FHIT: variants seen among roughly 807,000 people sequenced by gnomAD.
FHIT encodes the protein bis(5'-adenosyl)-triphosphatase.
FHIT carries 19 observed loss-of-function variants against 17.9 expected under a neutral mutation model. That is an observed-to-expected ratio of 1.06 (90% CI 0.74 to 1.56). FHIT has a LOEUF of 1.56. Ranked by LOEUF, FHIT falls within the 40% of genes most tolerant of loss-of-function variation. The pLI is 0.00. For missense variants in FHIT, 248 were observed against 189.2 expected, an observed-to-expected ratio of 1.31 and a Z score of -1.82; for synonymous variants, 81 against 69.7, an observed-to-expected ratio of 1.16 and a Z score of -0.81.
chr3:60,296,173 G>A (rs189298500), intron 5 of FHIT, among the ~76,000 whole-genome samples: 27 of 152,040 alleles, frequency 1.8e-4, no homozygotes, highest in African/African-American at 5.8e-4. Flanking sequence ...ACCAATCTTC[G>A]GTATGTTCTT....
At chr3:60,008,901 T>C (rs2106666821) in intron 7 of FHIT, among the ~76,000 whole-genome samples, 1 of 152,316 alleles carries the variant, frequency 6.6e-6, no homozygotes, top group African/African-American at 2.4e-5. Context: ...TTTATCATCA[T>C]ACAATACTGA....
At chr3:61,199,960 A>G (rs2038965065) in intron 2 of FHIT, among the ~76,000 whole-genome samples, 1 of 152,226 alleles carries the variant, frequency 6.6e-6, no homozygotes. Flanking sequence ...AGGTATGCTC[A>G]TAAATATACC....
intron 7 of FHIT, among the ~76,000 whole-genome samples, chr3:59,943,313 G>C (rs966198803): frequency 2.0e-5 from 3 of 152,148 alleles, no homozygotes; most frequent in Admixed American, 6.5e-5. Flanking sequence ...CTCAAAGAGA[G>C]ATTAGGCAGC....
intron 3 of FHIT, among the ~76,000 whole-genome samples, chr3:60,939,283 T>C (rs1553773905): frequency 6.6e-6 from 1 of 152,200 alleles, no homozygotes; most frequent in Non-Finnish European, 1.5e-5. Flanking sequence ...TTCACAGACA[T>C]AGAAGTGCTT....
intron 5 of FHIT, among the ~76,000 whole-genome samples, chr3:60,383,420 A>G (rs2107121815): frequency 6.6e-6 from 1 of 152,238 alleles, no homozygotes; most frequent in South Asian, 2.1e-4. Context: ...AATATTTGGC[A>G]ATGTCTACTG....
intron 5 of FHIT, among the ~76,000 whole-genome samples, chr3:60,197,873 A>G (rs1171571728): frequency 6.6e-6 from 1 of 152,148 alleles, no homozygotes; most frequent in Non-Finnish European, 1.5e-5. Context: ...CATGAAACCA[A>G]CACAGCAGCT....
At chr3:60,894,084 C>T (rs1393265427) in intron 3 of FHIT, among the ~76,000 whole-genome samples, 1 of 152,166 alleles carries the variant, frequency 6.6e-6, no homozygotes, top group Non-Finnish European at 1.5e-5. Flanking sequence ...CTACATCAAA[C>T]ATTTAGCATG....
chr3:60,084,844 G>A (rs925336098), intron 5 of FHIT, among the ~76,000 whole-genome samples: 2 of 151,994 alleles, frequency 1.3e-5, no homozygotes, highest in Non-Finnish European at 1.5e-5. Context: ...CATTGATAGT[G>A]ACTTTTTTTT....
At chr3:59,778,601 C>G (rs1412226930) in intron 8 of FHIT, among the ~76,000 whole-genome samples, 1 of 152,170 alleles carries the variant, frequency 6.6e-6, no homozygotes, top group Non-Finnish European at 1.5e-5. Flanking sequence ...CATACACAGA[C>G]TTGGCTGTGT....
At chr3:61,065,824 C>G (rs547456466) in intron 2 of FHIT, among the ~76,000 whole-genome samples, 1 of 152,050 alleles carries the variant, frequency 6.6e-6, no homozygotes, top group South Asian at 2.1e-4. Context: ...GTTTGGAGAT[C>G]AGTAGTCTAG....
intron 5 of FHIT, among the ~76,000 whole-genome samples, chr3:60,324,004 C>T (rs1249813404): frequency 6.6e-6 from 1 of 151,936 alleles, no homozygotes; most frequent in Non-Finnish European, 1.5e-5. Flanking sequence ...TTTAACCCTG[C>T]TTTGAGGTCT....
chr3:60,590,395 C>T (rs546359323), intron 4 of FHIT, among the ~76,000 whole-genome samples: 18 of 152,032 alleles, frequency 1.2e-4, no homozygotes, highest in Non-Finnish European at 2.2e-4. Flanking sequence ...ACACTCCACC[C>T]CCAGAGAATA....
At chr3:60,811,082 G>C (rs1553735892) in intron 4 of FHIT, among the ~76,000 whole-genome samples, 4 of 152,072 alleles carry the variant, frequency 2.6e-5, no homozygotes, top group African/African-American at 9.7e-5. Flanking sequence ...TGCTTTGTAT[G>C]AACAAGATCG....
intron 5 of FHIT, among the ~76,000 whole-genome samples, chr3:60,403,937 G>A (rs1409545787): frequency 6.6e-6 from 1 of 152,036 alleles, no homozygotes; most frequent in Non-Finnish European, 1.5e-5. Flanking sequence ...TAGAGTGAAG[G>A]GATCGTGTAT....
At chr3:61,009,266 G>A (rs533263547) in intron 3 of FHIT, among the ~76,000 whole-genome samples, 3 of 152,174 alleles carry the variant, frequency 2.0e-5, no homozygotes, top group South Asian at 2.1e-4. Flanking sequence ...TTCACTTAGC[G>A]TCAGAAGGCC....
chr3:60,270,628 A>C lies in FHIT; in HGVS notation c.104-256476T>G, dbSNP rs563172158. The stretch of plus-strand genomic sequence containing the variant: ...ACAAATGACCCCTATTAAAAGCCAA[A>C]TGGAAGGATTTTCCAGCAAAAATGA... On this transcript the variant is annotated intron_variant, in intron 5 of 9. Transcript: ENST00000492590. Among the ~76,000 whole-genome samples, 20 of 152,332 alleles carry C rather than the reference A, an allele frequency of 1.3e-4. 1 individual carries two copies. The South Asian group carries it at 4.1e-3, about 32-fold the overall frequency.
intron 5 of FHIT, among the ~76,000 whole-genome samples, chr3:60,289,218 G>A (rs1422741153): frequency 6.6e-6 from 1 of 152,030 alleles, no homozygotes; most frequent in Non-Finnish European, 1.5e-5. Flanking sequence ...ACTGTACACA[G>A]GAACATCTGT....
intron 3 of FHIT, among the ~76,000 whole-genome samples, chr3:61,025,990 A>G (rs2032712383): frequency 1.3e-5 from 2 of 152,178 alleles, no homozygotes; most frequent in African/African-American, 2.4e-5. Context: ...TGTTATATGC[A>G]CAAAAATTTA....
chr3:60,437,026 A>C (rs1282437638), intron 5 of FHIT, among the ~76,000 whole-genome samples: 1 of 152,098 alleles, frequency 6.6e-6, no homozygotes, highest in Non-Finnish European at 1.5e-5. Context: ...CGTATTTTGT[A>C]CTTTCCTATT....
Sources: gnomAD v4.1 joint callset for allele counts (sites outside exome capture counted in the v4.1 genomes callset) on GRCh38, gnomAD v4.1.1 for gene constraint, MANE v1.5 for transcripts, NCBI Gene and HGNC (gene_info 2026-07-23, HGNC 2026-07-21) for gene names.